Variants in MAD1L1 observed in about 807,000 individuals in gnomAD.
MAD1L1 encodes the protein mitotic arrest deficient 1 like 1.
In MAD1L1, 95 loss-of-function variants were observed where a neutral mutation model predicts 96.9. That is an observed-to-expected ratio of 0.98 (90% CI 0.83 to 1.16). The LOEUF (loss-of-function observed/expected upper bound fraction) is 1.16. Among genes scored for constraint, MAD1L1 ranks in the 50% most tolerant of loss-of-function variants. The pLI is 0.00. For synonymous variants in MAD1L1, 473 were observed against 396.6 expected, an observed-to-expected ratio of 1.19 and a Z score of -2.29; for missense variants, 1,007 against 954.4, an observed-to-expected ratio of 1.06 and a Z score of -0.73.
chr7:2,136,752 C>T (rs996157462), intron 11 of MAD1L1, among the ~76,000 whole-genome samples: 1 of 152,310 alleles, frequency 6.6e-6, no homozygotes, highest in East Asian at 1.9e-4. Context: ...TTATGTTCTG[C>T]CAAACAAGGA....
intron 5 of MAD1L1, among the ~76,000 whole-genome samples, chr7:2,220,220 G>A (rs1311539780): frequency 2.0e-5 from 3 of 152,286 alleles, no homozygotes; most frequent in East Asian, 1.9e-4. Context: ...GGGAGCACGC[G>A]GCACGGGCAG....
chr7:2,114,368 C>G lies in MAD1L1; in HGVS notation c.1073+34784G>C, dbSNP rs1251839456. Among the ~76,000 whole-genome samples the G allele has an allele frequency of 6.6e-6, 1 of 152,232 alleles. No individual in the cohort carries two copies. Among genetic ancestry groups the G allele is most frequent in the Non-Finnish European group, 1.5e-5 (1 of 68,040 alleles). On this transcript the variant is annotated intron_variant, in intron 11 of 18. Coordinates refer to ENST00000265854, the MANE Select transcript of MAD1L1 (RefSeq NM_001013836.2). This position sits in a 1 kb window ranked among gnomAD's most constrained non-coding sequence, Gnocchi z 4.2. Reference sequence around the variant, plus strand: ...GGCCTTCCCTACACAGAGCACAGCTCCCACCCTGCAGCACCGCCCAGCCGG... The same window carrying G: ...GGCCTTCCCTACACAGAGCACAGCTGCCACCCTGCAGCACCGCCCAGCCGG...
At chr7:1,816,667 TGGGGGCCCA>T (rs1180406654) in intron 18 of MAD1L1, among the ~76,000 whole-genome samples, 3 of 151,970 alleles carry the variant, frequency 2.0e-5, no homozygotes, top group East Asian at 1.9e-4. Context: ...AGGGGGGCGC[TGGGGGCCCA>T]GGGGGAGTCT....
At chr7:1,994,163 C>T (rs1230092318) in intron 14 of MAD1L1, among the ~76,000 whole-genome samples, 1 of 152,238 alleles carries the variant, frequency 6.6e-6, no homozygotes, top group Admixed American at 6.5e-5. Flanking sequence ...GTGTAAACAA[C>T]AAGTGTGTAC....
intron 17 of MAD1L1, among the ~76,000 whole-genome samples, chr7:1,921,302 G>T (rs1310434860): frequency 5.9e-5 from 9 of 151,292 alleles, no homozygotes; most frequent in Admixed American, 5.3e-4. Context: ...CCTTTTTTTT[G>T]AATTTGACTA....
At chr7:1,818,156 G>A (rs1441825547) in intron 18 of MAD1L1, among the ~76,000 whole-genome samples, 1 of 152,072 alleles carries the variant, frequency 6.6e-6, no homozygotes, top group Non-Finnish European at 1.5e-5. Context: ...ATGTCAGAGG[G>A]GCTGATTCTC....
chr7:2,121,832 C>T (rs1372356099), intron 11 of MAD1L1, among the ~76,000 whole-genome samples: 2 of 152,064 alleles, frequency 1.3e-5, no homozygotes, highest in African/African-American at 4.8e-5. Context: ...GTCTGCCTCG[C>T]TCTCCACCCT....
chr7:2,039,225 A>G (rs1783573368), intron 12 of MAD1L1, among the ~76,000 whole-genome samples: 1 of 152,150 alleles, frequency 6.6e-6, no homozygotes, highest in African/African-American at 2.4e-5. Context: ...CCTGAGTATT[A>G]CTCTGTGTGA....
intron 15 of MAD1L1, among the ~76,000 whole-genome samples, chr7:1,969,026 C>T (rs908859413): frequency 2.6e-5 from 4 of 152,182 alleles, no homozygotes; most frequent in African/African-American, 7.2e-5. Context: ...GAGAACTCTC[C>T]GTCCAATTTC....
intron 12 of MAD1L1, among the ~76,000 whole-genome samples, chr7:2,051,371 C>T (rs940121279): frequency 1.3e-5 from 2 of 152,200 alleles, no homozygotes; most frequent in Non-Finnish European, 2.9e-5. Flanking sequence ...CCAGGTTTCT[C>T]GTCCATAACC....
At chr7:1,942,268 C>T (rs1779036632) in intron 16 of MAD1L1, among the ~76,000 whole-genome samples, 2 of 150,266 alleles carry the variant, frequency 1.3e-5, no homozygotes, top group East Asian at 1.9e-4. Context: ...ACATTCCCGG[C>T]CCCTCCAGAA....
intron 15 of MAD1L1, among the ~76,000 whole-genome samples, chr7:1,969,444 A>C (rs980935369): frequency 6.6e-6 from 1 of 152,234 alleles, no homozygotes; most frequent in African/African-American, 2.4e-5. Context: ...CAATGGTGAA[A>C]GGCTAAAAGC....
chr7:1,853,002 C>G (rs1489894154), intron 18 of MAD1L1, among the ~76,000 whole-genome samples: 1 of 152,188 alleles, frequency 6.6e-6, no homozygotes, highest in Middle Eastern at 3.2e-3. Context: ...GCAGGGCGGC[C>G]GAGGCACCCG....
At chr7:1,967,577 T>C (rs373194347) in intron 15 of MAD1L1, among the ~76,000 whole-genome samples, 98 of 152,286 alleles carry the variant, frequency 6.4e-4, no homozygotes, top group African/African-American at 2.2e-3. Flanking sequence ...GCCACAGGCA[T>C]ACCCAGACCC....
chr7:1,940,957 T>G (rs1778938737), intron 16 of MAD1L1, among the ~76,000 whole-genome samples: 1 of 151,066 alleles, frequency 6.6e-6, no homozygotes, highest in African/African-American at 2.4e-5. Flanking sequence ...CTCCTCTTCC[T>G]CCCCCCGCAG....
At chr7:2,004,234 G>A (rs534934729) in intron 13 of MAD1L1, among the ~76,000 whole-genome samples, 86 of 152,296 alleles carry the variant, frequency 5.6e-4, no homozygotes, top group Non-Finnish European at 1.1e-3. Context: ...GCAGTGAGAC[G>A]CACCCATGAG....
chr7:2,126,090 G>A (rs965662760), intron 11 of MAD1L1, among the ~76,000 whole-genome samples: 9 of 152,262 alleles, frequency 5.9e-5, no homozygotes, highest in Admixed American at 3.9e-4. Context: ...CCCAGGCTTC[G>A]GTCCTCACTG....
At chr7:2,203,148 G>A (rs1442037323) in intron 10 of MAD1L1, among the ~76,000 whole-genome samples, 2 of 152,114 alleles carry the variant, frequency 1.3e-5, no homozygotes, top group African/African-American at 4.8e-5. Flanking sequence ...CAGGCACAAC[G>A]GGACAGGCAA....
intron 12 of MAD1L1, among the ~76,000 whole-genome samples, chr7:2,040,642 C>T (rs182587848): frequency 3.6e-4 from 55 of 152,324 alleles, no homozygotes; most frequent in Admixed American, 6.5e-4. Flanking sequence ...TGCTGGGGAG[C>T]GTCGGCATTT....
Sources: gnomAD v4.1 joint callset for allele counts (sites outside exome capture counted in the v4.1 genomes callset) on GRCh38, gnomAD v4.1.1 for gene constraint, Gnocchi (gnomAD v3.1) non-coding constraint, MANE v1.5 for transcripts, NCBI Gene and HGNC (gene_info 2026-07-23, HGNC 2026-07-21) for gene names.